The following GLIS3 variants were observed in gnomAD, a reference collection of about 807,000 sequenced individuals.
GLIS3 encodes the protein zinc finger protein GLIS3.
In GLIS3, 53 loss-of-function variants were observed where a neutral mutation model predicts 78.6. The ratio of observed to expected loss-of-function variants is 0.67; its 90% CI spans 0.54 to 0.85. GLIS3 has a LOEUF of 0.85. Ranked by LOEUF, GLIS3 falls within the 40% of genes least tolerant of loss-of-function variation. The pLI, the probability that GLIS3 is intolerant of heterozygous loss-of-function variation, is 0.00. For synonymous variants in GLIS3, 684 were observed against 509.9 expected (o/e 1.34, Z -4.60); for missense variants, 1,703 against 1,231.1 (o/e 1.38, Z -5.74).
At chr9:4,173,404 G>A (rs561525339) in intron 2 of GLIS3, among the ~76,000 whole-genome samples, 3 of 151,864 alleles carry the variant, frequency 2.0e-5, no homozygotes, top group Admixed American at 6.6e-5. Flanking sequence ...TTTATTAACC[G>A]TGCCACGTGT....
At chr9:4,122,211 A>G (rs1161955033) in intron 3 of GLIS3, among the ~76,000 whole-genome samples, 1 of 152,234 alleles carries the variant, frequency 6.6e-6, no homozygotes, top group Non-Finnish European at 1.5e-5. Flanking sequence ...GTTTGCTTCA[A>G]TGTCAAGCTC....
At position 4,288,361 on chromosome 9, in the gene GLIS3, T is replaced by G. The variant is rs368941187; in HGVS notation, c.-98-1838A>C. Among the ~76,000 whole-genome samples, 34 of 152,286 alleles carry G rather than the reference T, an allele frequency of 2.2e-4. No individual in the cohort carries two copies. The South Asian group carries it at 7.0e-3, about 32-fold the overall frequency. ...AAAAGGCAAAAGAAATATGTCACAT[T>G]GGCAACTTTTTTAAAATAAAGAATT... On this transcript the variant is annotated intron_variant, in intron 1 of 10. Coordinates refer to ENST00000381971, the MANE Select transcript of GLIS3 (RefSeq NM_001042413.2).
chr9:4,326,522 G>A (rs992194805), intron 2 of GLIS3, among the ~76,000 whole-genome samples: 2 of 151,928 alleles, frequency 1.3e-5, no homozygotes, highest in African/African-American at 4.8e-5. Flanking sequence ...AGAAAGTGGA[G>A]TAGTGTTTAC....
At chr9:4,236,889 T>C (rs1020063417) in intron 2 of GLIS3, among the ~76,000 whole-genome samples, 2 of 152,198 alleles carry the variant, frequency 1.3e-5, no homozygotes, top group African/African-American at 4.8e-5. Context: ...CCTTTCTTAC[T>C]TTTTTCCATA....
chr9:4,233,387 T>C (rs1822443469), intron 2 of GLIS3, among the ~76,000 whole-genome samples: 1 of 152,242 alleles, frequency 6.6e-6, no homozygotes, highest in African/African-American at 2.4e-5. Context: ...AGAAGGGATG[T>C]TGTGTTACCA....
At chr9:4,402,839 A>G in the GLIS3 span, among the ~76,000 whole-genome samples, 1 of 152,334 alleles carries the variant, frequency 6.6e-6, no homozygotes, top group African/African-American at 2.4e-5. Context: ...TAGTCTCACA[A>G]ATATGAGAGT....
chr9:3,937,185 T>A lies in GLIS3; in HGVS notation c.1715A>T (p.Glu572Val), dbSNP rs1333722635. 3 of 1,614,054 alleles carry A rather than the reference T, an allele frequency of 1.9e-6. No individual in the cohort carries two copies. Among genetic ancestry groups the A allele is most frequent in the Non-Finnish European group, 2.5e-6 (3 of 1,180,002 alleles). The stretch of plus-strand genomic sequence containing the variant: ...CCTTGAAAAGGCCTTCTCGCAACCT[T>A]CAAACTGCAAAAAGAAAACAATTTT... ...SGEKPNKCTF[E>V]GCEKAFSRLE... Residue 572 changes from glutamate to valine, a missense_variant, in exon 5 of 11, where the codon GAA (glutamate) becomes GTA (valine). Physicochemically the swap from Glu to Val is moderately radical, Grantham distance 121 (BLOSUM62 -2). Transcript: ENST00000381971.
chr9:4,071,597 C>T (rs771479922), intron 4 of GLIS3: 10 of 152,106 alleles, frequency 6.6e-5, no homozygotes, highest in Non-Finnish European at 1.5e-4. Context: ...CTGCTAAATG[C>T]TAAGGAAAAG....
At chr9:3,883,129 G>C (rs1821846338) in intron 7 of GLIS3, among the ~76,000 whole-genome samples, 1 of 152,188 alleles carries the variant, frequency 6.6e-6, no homozygotes, top group Non-Finnish European at 1.5e-5. Flanking sequence ...GAGAGCTGTG[G>C]CTTCAACAGA....
At chr9:4,394,590 T>C in the GLIS3 span, among the ~76,000 whole-genome samples, 1 of 152,204 alleles carries the variant, frequency 6.6e-6, no homozygotes, top group African/African-American at 2.4e-5. Context: ...TCAGGTTAAG[T>C]ATATCTGAGA....
chr9:3,879,863 G>A (rs748710769), intron 7 of GLIS3, among the ~76,000 whole-genome samples: 1 of 152,090 alleles, frequency 6.6e-6, no homozygotes, highest in Non-Finnish European at 1.5e-5. Flanking sequence ...TTCCCTGTCT[G>A]GACACTGTAT....
At chr9:3,829,619 C>A (rs1317300938) in intron 9 of GLIS3, 127 bp from the exon 10 acceptor site, 1 of 865,468 alleles carries the variant, frequency 1.2e-6, no homozygotes, top group Non-Finnish European at 1.9e-6. Context: ...TTAAGGCCAC[C>A]TGTAGAATCT....
intron 2 of GLIS3, among the ~76,000 whole-genome samples, chr9:4,241,281 C>T (rs1823283675): frequency 6.6e-6 from 1 of 152,090 alleles, no homozygotes; most frequent in African/African-American, 2.4e-5. Flanking sequence ...ATTGTCAGCT[C>T]AACTCTTTTT....
Position 4,250,911 on chromosome 9 carries a change from G to A in GLIS3, c.388+35127C>T, listed in dbSNP as rs374063511. On this transcript the variant is annotated intron_variant, in intron 2 of 10. Coordinates refer to ENST00000381971, the MANE Select transcript of GLIS3 (RefSeq NM_001042413.2). ...GAGCAGGTTGTTCAGTTTCTATGTA[G>A]TTGTGCGGTTTTGAGTGAGTTTCTT... Among the ~76,000 whole-genome samples the A allele has an allele frequency of 1.9e-4, 29 of 152,314 alleles. No homozygotes were observed. The East Asian group carries it at 2.3e-3, about 12-fold the overall frequency.
chr9:4,075,247 G>C (rs548452942), intron 4 of GLIS3, among the ~76,000 whole-genome samples: 4 of 152,028 alleles, frequency 2.6e-5, no homozygotes, highest in Non-Finnish European at 5.9e-5. Context: ...TTAGATGTCA[G>C]TAAGATTTAT....
At chr9:3,978,998 G>A (rs1819022974) in intron 4 of GLIS3, among the ~76,000 whole-genome samples, 1 of 152,154 alleles carries the variant, frequency 6.6e-6, no homozygotes, top group African/African-American at 2.4e-5. Flanking sequence ...TGTGTAGGTT[G>A]TATGCAAATC....
chr9:4,253,634 G>T (rs1005830896), intron 2 of GLIS3, among the ~76,000 whole-genome samples: 2 of 152,218 alleles, frequency 1.3e-5, no homozygotes, highest in Admixed American at 6.5e-5. Flanking sequence ...TCTCGCTAGC[G>T]TTCCATGTGC....
chr9:4,300,733 C>A (rs1206890031), upstream of GLIS3, among the ~76,000 whole-genome samples: 1 of 151,844 alleles, frequency 6.6e-6, no homozygotes, highest in Non-Finnish European at 1.5e-5. Flanking sequence ...CTCGCCACCG[C>A]TTCTGCTTGT....
chr9:4,073,701 A>C lies in GLIS3; in HGVS notation c.1710+44067T>G, dbSNP rs145323176. 3.0e-3 allele frequency among the ~76,000 whole-genome samples: 450 copies of C among 152,328 alleles called. 3 individuals carry two copies. Among genetic ancestry groups the C allele is most frequent in the African/African-American group, 1.0e-2 (414 of 41,574 alleles). On this transcript the variant is annotated intron_variant, in intron 4 of 10. Transcript: ENST00000381971. Reference sequence around the variant, plus strand: ...GACATACCACCTACGCGGCAGTCGGATTACCTGAATTCAAACGCTTGCTCC... The same window carrying C: ...GACATACCACCTACGCGGCAGTCGGCTTACCTGAATTCAAACGCTTGCTCC...
Sources: allele counts gnomAD v4.1 joint callset (sites outside exome capture counted in the v4.1 genomes callset), GRCh38; gene constraint gnomAD v4.1.1; transcripts MANE v1.5; gene names NCBI Gene and HGNC (gene_info 2026-07-23, HGNC 2026-07-21).